RAPGEF2: variants seen among roughly 807,000 people sequenced by gnomAD.
RAPGEF2 encodes PDZ domain containing guanine nucleotide exchange factor (GEF) 1.
Under a neutral mutation model 186.7 loss-of-function variants are expected in RAPGEF2, and 54 were observed. That is an observed-to-expected ratio of 0.29 (90% CI 0.23 to 0.36). The LOEUF (loss-of-function observed/expected upper bound fraction) is 0.36, where lower values mean the gene tolerates loss of function less well. Ranked by LOEUF, RAPGEF2 falls within the 10% of genes least tolerant of loss-of-function variation. RAPGEF2 has a pLI of 1.00. For missense variants in RAPGEF2, 1,532 were observed against 2,045.0 expected, an observed-to-expected ratio of 0.75 and a Z score of 4.84; for synonymous variants, 712 against 705.9, an observed-to-expected ratio of 1.01 and a Z score of -0.14.
chr4:159,243,836 C>A, intron 7 of RAPGEF2, 45 bp downstream of exon 7: 1 of 1,213,572 alleles, frequency 8.2e-7, no homozygotes, highest in Non-Finnish European at 1.1e-6. Context: ...CCTAAGTTTA[C>A]GTGTGAATTT....
chr4:159,239,385 A>G (rs1753676815), intron 5 of RAPGEF2, among the ~76,000 whole-genome samples: 1 of 152,186 alleles, frequency 6.6e-6, no homozygotes, highest in South Asian at 2.1e-4. Flanking sequence ...GATGTTTTAA[A>G]TGAGGAATTA....
chr4:159,169,198 T>A (rs975816404), intron 1 of RAPGEF2, among the ~76,000 whole-genome samples: 1 of 151,928 alleles, frequency 6.6e-6, no homozygotes, highest in Non-Finnish European at 1.5e-5. Flanking sequence ...ACTCCCAATC[T>A]ATGTGGAAAT....
chr4:159,237,776 A>C lies in RAPGEF2; in HGVS notation c.282-1033A>C, dbSNP rs1372300361. On this transcript the variant is annotated intron_variant, in intron 4 of 29. Coordinates refer to ENST00000691494, the MANE Select transcript of RAPGEF2 (RefSeq NM_001394067.2). ...AACTTTGGGAGGCAGAGGAGGGAAG[A>C]TTGATTGTGGCCCTAAGTTCAAGAC... Among the ~76,000 whole-genome samples, 3 of 144,792 alleles carry C rather than the reference A, an allele frequency of 2.1e-5. No homozygotes were observed. In the East Asian group the frequency reaches 6.7e-4, roughly 32 times the overall value. 95.0% of individuals were successfully genotyped at this position (144,792 alleles called of 152,430 possible).
At chr4:159,354,896 G>C (rs758150313) in intron 28 of RAPGEF2, among the ~76,000 whole-genome samples, 1 of 152,202 alleles carries the variant, frequency 6.6e-6, no homozygotes, top group Non-Finnish European at 1.5e-5. Flanking sequence ...TAGACGAAGT[G>C]TAGGAACAGA....
intron 1 of RAPGEF2, among the ~76,000 whole-genome samples, chr4:159,168,515 T>TC (rs1206568582): frequency 6.6e-6 from 1 of 151,884 alleles, no homozygotes; most frequent in Non-Finnish European, 1.5e-5. Context: ...CACACATGGT[T>TC]CAGCACAGCT....
chr4:159,126,617 TA>T (rs1740330645), intron 1 of RAPGEF2, among the ~76,000 whole-genome samples: 2 of 152,270 alleles, frequency 1.3e-5, no homozygotes, highest in African/African-American at 4.8e-5. Flanking sequence ...ACTTACTGGA[TA>T]AACACTCCTC....
intron 7 of RAPGEF2, among the ~76,000 whole-genome samples, chr4:159,270,623 A>C (rs1758007313): frequency 6.6e-6 from 1 of 152,106 alleles, no homozygotes; most frequent in Admixed American, 6.5e-5. Context: ...TTCAGATCTC[A>C]TGGGCTTTAT....
At chr4:159,173,530 C>G (rs906344192) in intron 1 of RAPGEF2, among the ~76,000 whole-genome samples, 2 of 152,142 alleles carry the variant, frequency 1.3e-5, no homozygotes, top group African/African-American at 4.8e-5. Flanking sequence ...TGTCCACCCC[C>G]AGCTCAACAA....
At chr4:159,142,941 G>C (rs1316576215) in intron 1 of RAPGEF2, among the ~76,000 whole-genome samples, 1 of 152,194 alleles carries the variant, frequency 6.6e-6, no homozygotes, top group Non-Finnish European at 1.5e-5. Flanking sequence ...TCTAAAACTT[G>C]TGCTCCTAAG....
intron 20 of RAPGEF2, among the ~76,000 whole-genome samples, chr4:159,342,563 T>TTTATTTTATA (rs1561316828): frequency 2.3e-4 from 22 of 94,734 alleles, no homozygotes; most frequent in East Asian, 1.2e-3. Flanking sequence ...ATTATTTTAT[T>TTTATTTTATA]TTATTTTATT....
intron 1 of RAPGEF2, among the ~76,000 whole-genome samples, chr4:159,133,586 T>A (rs1486498209): frequency 6.6e-6 from 1 of 151,388 alleles, no homozygotes; most frequent in Admixed American, 6.6e-5. Flanking sequence ...TACTTTTTTG[T>A]ATATTATTTA....
intron 7 of RAPGEF2, among the ~76,000 whole-genome samples, chr4:159,247,246 A>C (rs1280856747): frequency 6.6e-6 from 1 of 152,126 alleles, no homozygotes; most frequent in Admixed American, 6.5e-5. Context: ...ACCATGTTTC[A>C]GGTCTGTCCC....
intron 1 of RAPGEF2, among the ~76,000 whole-genome samples, chr4:159,104,525 AGG>A (rs1491269372): frequency 0.021 from 2,221 of 104,076 alleles, 77 homozygotes; most frequent in Middle Eastern, 0.053. Context: ...AGAGAGAGAG[AGG>A]GAGAGACAGA....
Position 159,358,302 on chromosome 4 carries a change from T to G in RAPGEF2, c.*163T>G. The G allele has an allele frequency of 1.6e-6, 1 of 632,006 alleles. No individual in the cohort carries two copies. Among genetic ancestry groups the G allele is most frequent in the Non-Finnish European group, 2.7e-6 (1 of 367,734 alleles). The allele number at this position is 632,006 out of a possible 1,614,324, so 39.1% of individuals were successfully genotyped here. ...GGGGCTTCTTCTCCCCTTCTTCCTT[T>G]CCCCTTTGCATGTGAAATACTGTGA... On this transcript the variant is annotated 3_prime_UTR_variant, in exon 30 of 30. Coordinates refer to ENST00000691494, the MANE Select transcript of RAPGEF2 (RefSeq NM_001394067.2).
chr4:159,208,889 AT>A (rs113496003), intron 3 of RAPGEF2, among the ~76,000 whole-genome samples: 26 of 147,660 alleles, frequency 1.8e-4, no homozygotes, highest in East Asian at 2.0e-4. Context: ...AAATCTCACA[AT>A]TTTTTTTTTT....
At chr4:159,344,999 A>C (rs1730082569) in intron 23 of RAPGEF2, 107 bp from the exon 24 acceptor site, 1 of 855,796 alleles carries the variant, frequency 1.2e-6, no homozygotes, top group Admixed American at 2.2e-5. Flanking sequence ...GGAATGAGGC[A>C]TGTGACCTTT....
intron 7 of RAPGEF2, among the ~76,000 whole-genome samples, chr4:159,274,405 T>G (rs1171912977): frequency 6.6e-6 from 1 of 152,240 alleles, no homozygotes; most frequent in Non-Finnish European, 1.5e-5. Flanking sequence ...GGTTTGCTTA[T>G]AAGCTTTTTT....
chr4:159,344,970 G>A (rs1730078526), intron 23 of RAPGEF2, 136 bp from the exon 24 acceptor site: 2 of 663,408 alleles, frequency 3.0e-6, no homozygotes, highest in East Asian at 2.7e-5. Context: ...CTATATTCCT[G>A]TGTAACAGTT....
intron 4 of RAPGEF2, among the ~76,000 whole-genome samples, chr4:159,223,424 G>A (rs1751724961): frequency 1.3e-5 from 2 of 152,164 alleles, no homozygotes; most frequent in South Asian, 2.1e-4. Flanking sequence ...TGCTTAGAAT[G>A]TAAGTGTAAT....
Sources: allele counts gnomAD v4.1 joint callset (sites outside exome capture counted in the v4.1 genomes callset), GRCh38; gene constraint gnomAD v4.1.1; transcripts MANE v1.5; gene names NCBI Gene and HGNC (gene_info 2026-07-23, HGNC 2026-07-21).